Variants in KPNA4 observed in about 807,000 individuals in gnomAD.
KPNA4 encodes the protein karyopherin subunit alpha 4, also known as importin subunit alpha-3.
A neutral mutation model predicts 71.3 loss-of-function variants in KPNA4; 13 were observed. The ratio of observed to expected loss-of-function variants is 0.18; its 90% CI spans 0.12 to 0.29. The LOEUF (loss-of-function observed/expected upper bound fraction) is 0.29, where lower values mean the gene tolerates loss of function less well. Among genes scored for constraint, KPNA4 ranks in the 10% least tolerant of loss-of-function variants. The pLI, the probability that KPNA4 is intolerant of heterozygous loss-of-function variation, is 1.00. For synonymous variants in KPNA4, 189 were observed against 195.2 expected (o/e 0.97, Z 0.26); for missense variants, 334 against 603.2 (o/e 0.55, Z 4.67).
In KPNA4 at chr3:160,497,067, G is replaced by T. The variant is rs1388467316; in HGVS notation, c.*5037C>A. Reference sequence around the variant, plus strand: ...GACACTACAGTCCAAATTTGCTTCTGATCACACTAGAATAGTTTTACCAAT... The same window carrying T: ...GACACTACAGTCCAAATTTGCTTCTTATCACACTAGAATAGTTTTACCAAT... On this transcript the variant is annotated 3_prime_UTR_variant, in exon 17 of 17. Transcript: ENST00000334256. 2 of 152,172 alleles carry T rather than the reference G, an allele frequency of 1.3e-5. No individual in the cohort carries two copies. Among genetic ancestry groups the T allele is most frequent in the Non-Finnish European group, 2.9e-5 (2 of 68,040 alleles). The allele number at this position is 152,172 out of a possible 1,614,324, so 9.4% of individuals were successfully genotyped here.
At chr3:160,533,675 A>C (rs982252935) in intron 5 of KPNA4, among the ~76,000 whole-genome samples, 3 of 152,110 alleles carry the variant, frequency 2.0e-5, no homozygotes, top group Non-Finnish European at 4.4e-5. Flanking sequence ...TGCATTAAGG[A>C]GCCCGCAATT....
At chr3:160,506,825 TTA>T (rs1380791363) in intron 15 of KPNA4, among the ~76,000 whole-genome samples, 2 of 152,222 alleles carry the variant, frequency 1.3e-5, no homozygotes, top group Non-Finnish European at 2.9e-5. Context: ...AACTCGACAG[TTA>T]TAGATTTTTT....
At chr3:160,533,207 A>G (rs2108552828) in intron 5 of KPNA4, among the ~76,000 whole-genome samples, 1 of 152,164 alleles carries the variant, frequency 6.6e-6, no homozygotes, top group South Asian at 2.1e-4. Flanking sequence ...TATTTTTAGT[A>G]GAGACGGGGG....
intron 1 of KPNA4, among the ~76,000 whole-genome samples, chr3:160,564,046 C>G (rs1406813085): frequency 6.6e-6 from 1 of 151,984 alleles, no homozygotes; most frequent in Non-Finnish European, 1.5e-5. Context: ...GAAAACGTAC[C>G]GAGAACAACA....
chr3:160,561,642 C>A (rs1008909834), intron 1 of KPNA4, among the ~76,000 whole-genome samples: 1 of 152,024 alleles, frequency 6.6e-6, no homozygotes, highest in Non-Finnish European at 1.5e-5. Flanking sequence ...TCAACTCTAA[C>A]ACTCAGAAAT....
At chr3:160,522,675 G>C (rs1721376275) in intron 10 of KPNA4, among the ~76,000 whole-genome samples, 1 of 152,106 alleles carries the variant, frequency 6.6e-6, no homozygotes, top group African/African-American at 2.4e-5. Flanking sequence ...AGCCAAGATG[G>C]TCTCGATCTC....
chr3:160,563,863 C>A (rs1016163986), intron 1 of KPNA4, among the ~76,000 whole-genome samples: 2 of 151,826 alleles, frequency 1.3e-5, no homozygotes, highest in Non-Finnish European at 2.9e-5. Context: ...CTTAAAAGAA[C>A]CACAGAATTA....
rs1341754438 is a variant in KPNA4, at chr3:160,528,002, G to C, written c.507C>G (p.Pro169=). The change falls in exon 8 of 17, where the codon CCC becomes CCG. Residue 169 remains proline, a synonymous_variant. Coordinates refer to ENST00000334256, the MANE Select transcript of KPNA4 (RefSeq NM_002268.5). ...VPLFLRLLHS[P]HQNVCEQAVW... ...CTGCTTGCTCACAGACATTCTGATG[G>C]GGTGAATGGAGAAGCCTCAGGAAAA... is the stretch of plus-strand genomic sequence containing the variant. 1.9e-6 allele frequency: 3 copies of C among 1,612,428 alleles called. No homozygotes were observed. Among genetic ancestry groups the C allele is most frequent in the Non-Finnish European group, 2.5e-6 (3 of 1,179,086 alleles).
At chr3:160,562,605 G>C (rs1722269528) in intron 1 of KPNA4, among the ~76,000 whole-genome samples, 1 of 152,148 alleles carries the variant, frequency 6.6e-6, no homozygotes, top group African/African-American at 2.4e-5. Flanking sequence ...ATATAAAAAA[G>C]AATGTTTCTA....
intron 1 of KPNA4, among the ~76,000 whole-genome samples, chr3:160,543,206 T>G (rs1721839738): frequency 6.6e-6 from 1 of 152,226 alleles, no homozygotes; most frequent in South Asian, 2.1e-4. Context: ...TATACTACTC[T>G]ACTAGCATAT....
At chr3:160,527,456 A>G (rs555709813) in intron 8 of KPNA4, among the ~76,000 whole-genome samples, 7 of 152,350 alleles carry the variant, frequency 4.6e-5, no homozygotes, top group Admixed American at 2.6e-4. Flanking sequence ...ACAGGAAATA[A>G]TATTACTATA....
chr3:160,536,839 G>C lies in KPNA4; in HGVS notation c.71C>G (p.Thr24Ser), dbSNP rs1721703280. ...NFKNKGRDLE[T>S]MRRQRNEVVV... ...AACTTCATTTCGTTGTCTTCTCATAGTCTACAAAAAAATTAAAGGAAAATA... is the reference window on the plus strand; with the variant it reads ...AACTTCATTTCGTTGTCTTCTCATACTCTACAAAAAAATTAAAGGAAAATA... The change falls in exon 2 of 17, where the codon ACT (threonine) becomes AGT (serine). Residue 24 changes from threonine to serine, a missense_variant and splice_region_variant. Coordinates refer to ENST00000334256, the MANE Select transcript of KPNA4 (RefSeq NM_002268.5). 3.2e-6 allele frequency: 5 copies of C among 1,562,130 alleles called. No homozygotes were observed. Among genetic ancestry groups the C allele is most frequent in the Non-Finnish European group, 4.4e-6 (5 of 1,138,470 alleles).
chr3:160,523,752 G>A (rs1346826595), intron 10 of KPNA4, among the ~76,000 whole-genome samples: 1 of 152,100 alleles, frequency 6.6e-6, no homozygotes, highest in African/African-American at 2.4e-5. Flanking sequence ...TCGGGAGGCT[G>A]AGGCAGGAGA....
intron 10 of KPNA4, among the ~76,000 whole-genome samples, chr3:160,523,704 A>G (rs1721403944): frequency 2.6e-5 from 4 of 152,128 alleles, no homozygotes; most frequent in Admixed American, 2.6e-4. Flanking sequence ...CAAAAAAATT[A>G]GCCAGGCGTG....
intron 11 of KPNA4, among the ~76,000 whole-genome samples, chr3:160,515,811 C>T (rs1007405660): frequency 2.6e-5 from 4 of 152,022 alleles, no homozygotes; most frequent in Non-Finnish European, 5.9e-5. Context: ...GACAGAGTTT[C>T]ACCATGTTGC....
chr3:160,530,792 C>G, intron 7 of KPNA4, 63 bp downstream of exon 7: 2 of 1,092,750 alleles, frequency 1.8e-6, no homozygotes, highest in South Asian at 1.4e-5. Flanking sequence ...TTGGGAAGAT[C>G]ACTATTTTTT....
At chr3:160,537,537 T>C (rs1454334100) in intron 1 of KPNA4, among the ~76,000 whole-genome samples, 1 of 151,412 alleles carries the variant, frequency 6.6e-6, no homozygotes, top group Non-Finnish European at 1.5e-5. Context: ...CATTCAAATG[T>C]TCAGAAACAA....
chr3:160,519,086 C>A (rs759669383), intron 11 of KPNA4, among the ~76,000 whole-genome samples: 331 of 112,832 alleles, frequency 2.9e-3, no homozygotes, highest in Non-Finnish European at 5.7e-3. Flanking sequence ...ATTTTAAGAT[C>A]TGTTTGTAAA....
Position 160,539,341 on chromosome 3 carries a change from C to T in KPNA4, c.70-2501G>A, listed in dbSNP as rs1390729543. Among the ~76,000 whole-genome samples, 6 of 152,118 alleles carry T rather than the reference C, an allele frequency of 3.9e-5. 1 individual carries two copies. In the South Asian group the frequency reaches 6.2e-4, roughly 16 times the overall value. On this transcript the variant is annotated intron_variant, in intron 1 of 16. Transcript: ENST00000334256. ...AGTAAAAATAATTAGCTAAATACTA[C>T]GGTAAGTGTTAACATCTATCTCATA... is the stretch of plus-strand genomic sequence containing the variant.
Sources: allele counts gnomAD v4.1 joint callset (sites outside exome capture counted in the v4.1 genomes callset), GRCh38; gene constraint gnomAD v4.1.1; transcripts MANE v1.5; gene names NCBI Gene and HGNC (gene_info 2026-07-23, HGNC 2026-07-21).